The following MAN1A1 variants were observed in gnomAD, a reference collection of about 807,000 sequenced individuals.
MAN1A1 encodes the protein mannosidase alpha class 1A member 1.
A neutral mutation model predicts 70.8 loss-of-function variants in MAN1A1; 29 were observed. The ratio of observed to expected loss-of-function variants is 0.41; its 90% confidence interval spans 0.31 to 0.56. The LOEUF (loss-of-function observed/expected upper bound fraction) is 0.56. Among genes scored for constraint, MAN1A1 ranks in the 20% least tolerant of loss-of-function variants. The pLI is 0.29. For missense variants in MAN1A1, 747 were observed against 841.3 expected, an observed-to-expected ratio of 0.89 and a Z score of 1.39; for synonymous variants, 349 against 330.1, an observed-to-expected ratio of 1.06 and a Z score of -0.62.
At chr6:119,224,239 A>T (rs1424631714) in intron 6 of MAN1A1, among the ~76,000 whole-genome samples, 1 of 152,236 alleles carries the variant, frequency 6.6e-6, no homozygotes, top group African/African-American at 2.4e-5. Flanking sequence ...TTTGAAAGAA[A>T]GACTGCACTA....
rs79352800 is a variant in MAN1A1 at position 119,199,456 on chromosome 6, G to T, written c.1210+1798C>A. On this transcript the variant is annotated intron_variant, in intron 8 of 12. Coordinates refer to ENST00000368468, the MANE Select transcript of MAN1A1 (RefSeq NM_005907.4). The stretch of plus-strand genomic sequence containing the variant: ...AACTATCATTTTTCATAATTCAGCA[G>T]GAGTGATTTATGAGTATTTTCCATT... Among the ~76,000 whole-genome samples, 423 of 152,232 alleles carry T rather than the reference G, an allele frequency of 2.8e-3. 4 individuals carry two copies. Among genetic ancestry groups the T allele is most frequent in the African/African-American group, 9.4e-3 (390 of 41,526 alleles).
At chr6:119,192,108 T>C (rs1336874597) in intron 9 of MAN1A1, among the ~76,000 whole-genome samples, 1 of 152,208 alleles carries the variant, frequency 6.6e-6, no homozygotes, top group African/African-American at 2.4e-5. Context: ...TGTGTGGGTA[T>C]GGTTTTAGGA....
rs536107653 is a variant in MAN1A1, at chr6:119,244,236, T to C, written c.992+4024A>G. 2.6e-5 allele frequency among the ~76,000 whole-genome samples: 4 copies of C among 152,160 alleles called. No homozygotes were observed. The South Asian group carries it at 6.2e-4, about 24-fold the overall frequency. On this transcript the variant is annotated intron_variant, in intron 6 of 12. Coordinates refer to ENST00000368468, the MANE Select transcript of MAN1A1 (RefSeq NM_005907.4). Reference sequence around the variant, plus strand: ...GCTTCAAGTTCGAGAAAAAAAAGCATAGGCCTCTTGCTAATAGTAATAACA... The same window carrying C: ...GCTTCAAGTTCGAGAAAAAAAAGCACAGGCCTCTTGCTAATAGTAATAACA...
chr6:119,316,864 T>C (rs543084303), intron 2 of MAN1A1, among the ~76,000 whole-genome samples: 4 of 152,008 alleles, frequency 2.6e-5, no homozygotes, highest in Admixed American at 2.0e-4. Flanking sequence ...TAGTGATCGA[T>C]GAAAATGAAT....
At chr6:119,257,942 T>C (rs1335556169) in intron 5 of MAN1A1, among the ~76,000 whole-genome samples, 1 of 152,174 alleles carries the variant, frequency 6.6e-6, no homozygotes, top group African/African-American at 2.4e-5. Context: ...ACATGACATT[T>C]AGAAAAATAT....
At chr6:119,195,137 T>C (rs1773536486) in intron 8 of MAN1A1, among the ~76,000 whole-genome samples, 1 of 151,694 alleles carries the variant, frequency 6.6e-6, no homozygotes, top group Non-Finnish European at 1.5e-5. Context: ...TGGCCCAGAG[T>C]TCTAATGACA....
chr6:119,193,727 A>G lies in MAN1A1; in HGVS notation c.1326+50T>C, dbSNP rs1246321707. ...ATTCATTAAAACTTGATTAATATACAAATTATAAGTTAGGGCTGAGTGGCA... is the reference window on the plus strand; with the variant it reads ...ATTCATTAAAACTTGATTAATATACGAATTATAAGTTAGGGCTGAGTGGCA... On this transcript the variant is annotated intron_variant, in intron 9 of 12. Transcript: ENST00000368468. The G allele has an allele frequency of 3.9e-6, 5 of 1,291,078 alleles. No individual in the cohort carries two copies. The East Asian group carries it at 1.2e-4, about 31-fold the overall frequency. The allele number at this position is 1,291,078 out of a possible 1,614,324, so 80.0% of individuals were successfully genotyped here.
In MAN1A1 at chr6:119,309,128, A is replaced by G. The variant is rs76476574; in HGVS notation, c.604-2136T>C. Reference sequence around the variant, plus strand: ...ATGATGTGGTCAAAATGCCCTGAACAAAGCACTGGGAGGGGTTTATCCAGC... The same window carrying G: ...ATGATGTGGTCAAAATGCCCTGAACGAAGCACTGGGAGGGGTTTATCCAGC... On this transcript the variant is annotated intron_variant, in intron 2 of 12. Coordinates refer to ENST00000368468, the MANE Select transcript of MAN1A1 (RefSeq NM_005907.4). 5.9e-3 allele frequency among the ~76,000 whole-genome samples: 896 copies of G among 152,316 alleles called. 31 individuals carry two copies. The East Asian group carries it at 0.09, about 15-fold the overall frequency.
intron 5 of MAN1A1, among the ~76,000 whole-genome samples, chr6:119,262,951 C>G (rs147723390): frequency 2.0e-4 from 31 of 152,284 alleles, no homozygotes; most frequent in African/African-American, 7.2e-4. Context: ...CACCCTTACT[C>G]TGATGGGCAC....
chr6:119,198,374 A>G (rs1450150259), intron 8 of MAN1A1, among the ~76,000 whole-genome samples: 2 of 151,632 alleles, frequency 1.3e-5, no homozygotes, highest in Non-Finnish European at 3.0e-5. Flanking sequence ...TGGGTGACAG[A>G]GCGAGACTCC....
intron 4 of MAN1A1, among the ~76,000 whole-genome samples, chr6:119,300,419 C>T (rs1283975938): frequency 6.6e-6 from 1 of 151,878 alleles, no homozygotes; most frequent in Non-Finnish European, 1.5e-5. Context: ...CCATGCCTGG[C>T]TATTTTTTGT....
chr6:119,312,721 C>T (rs998278043), intron 2 of MAN1A1, among the ~76,000 whole-genome samples: 1 of 152,122 alleles, frequency 6.6e-6, no homozygotes, highest in African/African-American at 2.4e-5. Context: ...GCCCTTCTAC[C>T]CCTTAGTTCT....
At chr6:119,304,107 G>A (rs1171757709) in intron 3 of MAN1A1, among the ~76,000 whole-genome samples, 6 of 152,256 alleles carry the variant, frequency 3.9e-5, no homozygotes, top group Admixed American at 2.0e-4. Context: ...TATTTCACTG[G>A]CACATGCCTT....
At chr6:119,347,718 T>C (rs1484321158) in intron 2 of MAN1A1, among the ~76,000 whole-genome samples, 3 of 152,220 alleles carry the variant, frequency 2.0e-5, no homozygotes, top group African/African-American at 7.2e-5. Context: ...GGTCCTGACC[T>C]AATCACATGT....
In MAN1A1 at chr6:119,330,223, C is replaced by T. The variant is rs148680566; in HGVS notation, c.603+18240G>A. On this transcript the variant is annotated intron_variant, in intron 2 of 12. Coordinates refer to ENST00000368468, the MANE Select transcript of MAN1A1 (RefSeq NM_005907.4). ...CTTTGCAGTGCTTGTTGTATACATCCAACTGCTCACAAGAGACCTCCAATT... is the reference window on the plus strand; with the variant it reads ...CTTTGCAGTGCTTGTTGTATACATCTAACTGCTCACAAGAGACCTCCAATT... Among the ~76,000 whole-genome samples, 287 of 152,202 alleles carry T rather than the reference C, an allele frequency of 1.9e-3. 3 individuals are homozygous for T. Among genetic ancestry groups the T allele is most frequent in the African/African-American group, 6.6e-3 (272 of 41,508 alleles).
At chr6:119,314,152 A>G (rs1772787493) in intron 2 of MAN1A1, among the ~76,000 whole-genome samples, 2 of 152,164 alleles carry the variant, frequency 1.3e-5, no homozygotes, top group Admixed American at 6.6e-5. Flanking sequence ...CACTTCTAGC[A>G]TAGGCTGCCC....
intron 5 of MAN1A1, among the ~76,000 whole-genome samples, chr6:119,278,537 C>G (rs1298666485): frequency 3.3e-5 from 5 of 152,074 alleles, no homozygotes; most frequent in African/African-American, 1.2e-4. Flanking sequence ...AAGATCACTT[C>G]ACCGGTACTT....
rs1304694996 is a variant in MAN1A1, at chr6:119,201,255, T to C, written c.1209A>G (p.Gln403=). ...AATAATGCAAATCTTCTGACTTACG[T>C]TGACCCCACTGTCCACTACTGGGAT... ...YLNPSSGQWG[Q]HHVSVGGLGD... The change falls in exon 8 of 13, where the codon CAA becomes CAG. Residue 403 remains glutamine, a splice_region_variant and synonymous_variant. Transcript: ENST00000368468. 3.7e-6 allele frequency: 6 copies of C among 1,610,528 alleles called. No individual in the cohort carries two copies. The Admixed American group carries it at 8.3e-5, about 22-fold the overall frequency.
At chr6:119,296,732 C>A (rs183278898) in intron 4 of MAN1A1, among the ~76,000 whole-genome samples, 1 of 152,066 alleles carries the variant, frequency 6.6e-6, no homozygotes, top group East Asian at 1.9e-4. Context: ...AAAAAAGTCA[C>A]TGTTGCCACC....
Sources: gnomAD v4.1 joint callset for allele counts (sites outside exome capture counted in the v4.1 genomes callset) on GRCh38, gnomAD v4.1.1 for gene constraint, MANE v1.5 for transcripts, NCBI Gene and HGNC (gene_info 2026-07-23, HGNC 2026-07-21) for gene names.